KANSL1: variants seen among roughly 807,000 people sequenced by gnomAD.
KANSL1 encodes the protein MLL1/MLL complex subunit KANSL1.
Under a neutral mutation model 103.6 loss-of-function variants are expected in KANSL1, and 22 were observed. That is an observed-to-expected ratio of 0.21 (90% CI 0.15 to 0.30). KANSL1 has a LOEUF of 0.30. KANSL1 is among the 10% of genes least tolerant of loss of function. The probability of loss-of-function intolerance (pLI) is 1.00; values close to 1 mark genes in which losing one functional copy is unlikely to be tolerated. For synonymous variants in KANSL1, 600 were observed against 527.6 expected (o/e 1.14, Z -1.88); for missense variants, 1,337 against 1,399.8 (o/e 0.96, Z 0.72).
chr17:46,050,406 A>T (rs1315985298), intron 7 of KANSL1, 127 bp downstream of exon 7: 2 of 946,302 alleles, frequency 2.1e-6, no homozygotes, highest in African/African-American at 3.3e-5. Context: ...TTCTAAGAGA[A>T]GACTTGGTTG....
intron 4 of KANSL1, among the ~76,000 whole-genome samples, chr17:46,079,555 A>C (rs984569882): frequency 6.6e-6 from 1 of 152,244 alleles, no homozygotes; most frequent in Admixed American, 6.5e-5. Flanking sequence ...ATAGGATATT[A>C]ATAACTTTTG....
At chr17:46,100,889 T>C (rs1171601889) in intron 2 of KANSL1, among the ~76,000 whole-genome samples, 1 of 152,272 alleles carries the variant, frequency 6.6e-6, no homozygotes, top group South Asian at 2.1e-4. Context: ...ACTTTGATTC[T>C]GATTTCAGTC....
intron 6 of KANSL1, among the ~76,000 whole-genome samples, chr17:46,051,296 ACT>A (rs990810031): frequency 7.2e-5 from 11 of 152,200 alleles, no homozygotes; most frequent in African/African-American, 2.4e-4. Flanking sequence ...CCTAAAATCC[ACT>A]GTTACAAAGC....
chr17:46,106,659 C>A (rs2042581441), intron 2 of KANSL1, among the ~76,000 whole-genome samples: 1 of 152,174 alleles, frequency 6.6e-6, no homozygotes, highest in African/African-American at 2.4e-5. Context: ...TCCCAAAGTG[C>A]TGGGAATACA....
chr17:46,126,966 A>G (rs1483715203), intron 2 of KANSL1, among the ~76,000 whole-genome samples: 1 of 152,248 alleles, frequency 6.6e-6, no homozygotes, highest in Non-Finnish European at 1.5e-5. Flanking sequence ...TGGAGCTAAT[A>G]AAGAACAACA....
chr17:46,186,218 CAA>C (rs150341818), intron 1 of KANSL1, among the ~76,000 whole-genome samples: 7 of 135,908 alleles, frequency 5.2e-5, no homozygotes, highest in South Asian at 2.3e-4. Flanking sequence ...TACTAAAATG[CAA>C]AAAAAAAAAA....
intron 2 of KANSL1, among the ~76,000 whole-genome samples, chr17:46,154,636 T>C (rs1041330614): frequency 8.5e-5 from 13 of 152,186 alleles, no homozygotes; most frequent in Non-Finnish European, 1.6e-4. Flanking sequence ...AATTTCCTCT[T>C]TAAAAGTGGT....
At chr17:46,178,988 C>A (rs1214615853) in intron 1 of KANSL1, among the ~76,000 whole-genome samples, 1 of 152,230 alleles carries the variant, frequency 6.6e-6, no homozygotes, top group Non-Finnish European at 1.5e-5. Context: ...AAATATACTT[C>A]TAGGATAGAG....
chr17:46,104,267 AAT>A (rs1163953101), intron 2 of KANSL1, among the ~76,000 whole-genome samples: 2 of 152,234 alleles, frequency 1.3e-5, no homozygotes, highest in Non-Finnish European at 2.9e-5. Flanking sequence ...TGCCTAGCAC[AAT>A]AAAAGAAATG....
In KANSL1 at chr17:46,094,689, T is replaced by C. The variant is rs1203771552; in HGVS notation, c.1302A>G (p.Ser434=). 2.5e-6 allele frequency: 4 copies of C among 1,614,206 alleles called. No homozygotes were observed. The highest frequency in any genetic ancestry group is 1.1e-5 in the South Asian group (1 of 91,084). Residue 434 remains serine, a synonymous_variant, in exon 3 of 15, where the codon TCA becomes TCG. Transcript: ENST00000432791. ...CCCGGTCTGCAGCCCATTTCCATTC[T>C]GACCTGCGTCTCCTAAAAGGAAATA... ...EQRHVPLRRR[S]EWKWAADRAA...
chr17:46,181,127 AGG>A (rs1278378780), intron 1 of KANSL1, among the ~76,000 whole-genome samples: 1 of 152,266 alleles, frequency 6.6e-6, no homozygotes, highest in Non-Finnish European at 1.5e-5. Context: ...AGAAATGTGA[AGG>A]GGCCAGTCTA....
chr17:46,176,155 C>T (rs1215758250), intron 1 of KANSL1, among the ~76,000 whole-genome samples: 1 of 152,202 alleles, frequency 6.6e-6, no homozygotes, highest in Non-Finnish European at 1.5e-5. Context: ...GACAGCACTA[C>T]AGTAAGACTT....
At chr17:46,154,571 C>T (rs938356044) in intron 2 of KANSL1, among the ~76,000 whole-genome samples, 2 of 152,144 alleles carry the variant, frequency 1.3e-5, no homozygotes, top group Non-Finnish European at 2.9e-5. Context: ...CCTAAGCCAC[C>T]GTGCCCGGGC....
intron 2 of KANSL1, among the ~76,000 whole-genome samples, chr17:46,115,849 T>C (rs1303072766): frequency 6.6e-6 from 1 of 152,250 alleles, no homozygotes; most frequent in African/African-American, 2.4e-5. Flanking sequence ...ACAAAATGCT[T>C]AAGCTGCATA....
chr17:46,149,258 C>T (rs1271109599), intron 2 of KANSL1, among the ~76,000 whole-genome samples: 1 of 152,240 alleles, frequency 6.6e-6, no homozygotes, highest in East Asian at 1.9e-4. Flanking sequence ...GTCTCGGCCT[C>T]CCAAAGTGCT....
rs144384876 is a variant in KANSL1 at position 46,109,601 on chromosome 17, T to A, written c.1290-14900A>T. Reference sequence around the variant, plus strand: ...CCTCAAAGGTTGAGCTAGTTTTCAGTTAAAGAATGACTGAGGGCACAAAGG... The same window carrying A: ...CCTCAAAGGTTGAGCTAGTTTTCAGATAAAGAATGACTGAGGGCACAAAGG... On this transcript the variant is annotated intron_variant, in intron 2 of 14. Transcript: ENST00000432791. 1.0e-3 allele frequency among the ~76,000 whole-genome samples: 153 copies of A among 152,298 alleles called. No homozygotes were observed. The East Asian group carries it at 0.02, about 20-fold the overall frequency.
At chr17:46,162,962 C>G (rs1263773939) in intron 2 of KANSL1, among the ~76,000 whole-genome samples, 2 of 152,178 alleles carry the variant, frequency 1.3e-5, no homozygotes, top group Non-Finnish European at 2.9e-5. Context: ...TCTCACCCAC[C>G]AATTCCTTCT....
intron 11 of KANSL1, 67 bp from the exon 12 acceptor site, chr17:46,033,527 G>A (rs1326221545): frequency 3.1e-6 from 4 of 1,295,644 alleles, no homozygotes; most frequent in Non-Finnish European, 4.5e-6. Context: ...GGGTCAAAGT[G>A]TCCATGCAAG....
intron 2 of KANSL1, among the ~76,000 whole-genome samples, chr17:46,123,244 T>A (rs1052247476): frequency 6.6e-6 from 1 of 152,088 alleles, no homozygotes; most frequent in Non-Finnish European, 1.5e-5. Context: ...GGGTGTGGCA[T>A]TGCGCACTTG....
Sources: allele counts gnomAD v4.1 joint callset (sites outside exome capture counted in the v4.1 genomes callset), GRCh38; gene constraint gnomAD v4.1.1; transcripts MANE v1.5; gene names NCBI Gene and HGNC (gene_info 2026-07-23, HGNC 2026-07-21).